Variants in SNTG1 observed in about 807,000 individuals in gnomAD.
SNTG1 encodes the protein gamma-1-syntrophin.
A neutral mutation model predicts 74.7 loss-of-function variants in SNTG1; 39 were observed. The ratio of observed to expected loss-of-function variants is 0.52; its 90% confidence interval spans 0.40 to 0.68. The LOEUF (loss-of-function observed/expected upper bound fraction) is 0.68, where lower values mean the gene tolerates loss of function less well. Ranked by LOEUF, SNTG1 falls within the 30% of genes least tolerant of loss-of-function variation. SNTG1 has a pLI of 0.00. For synonymous variants in SNTG1, 254 were observed against 217.1 expected, an observed-to-expected ratio of 1.17 and a Z score of -1.49; for missense variants, 685 against 609.5, an observed-to-expected ratio of 1.12 and a Z score of -1.30.
At chr8:50,442,044 G>A (rs569470495) in intron 5 of SNTG1, among the ~76,000 whole-genome samples, 135 of 152,284 alleles carry the variant, frequency 8.9e-4, no homozygotes, top group African/African-American at 3.1e-3. Flanking sequence ...CAGCTTTAGC[G>A]CATGCTGCAC....
intron 8 of SNTG1, among the ~76,000 whole-genome samples, chr8:50,471,136 C>T (rs979941110): frequency 6.6e-6 from 1 of 152,050 alleles, no homozygotes; most frequent in Non-Finnish European, 1.5e-5. Context: ...TCCCAACCCA[C>T]CCCAGAAGCC....
chr8:50,018,042 A>T (rs1816493613), intron 1 of SNTG1, among the ~76,000 whole-genome samples: 1 of 151,922 alleles, frequency 6.6e-6, no homozygotes, highest in South Asian at 2.1e-4. Flanking sequence ...TAGACAGAAA[A>T]TCCATGTCCA....
chr8:50,053,340 T>A (rs1819739530), intron 1 of SNTG1, among the ~76,000 whole-genome samples: 1 of 152,000 alleles, frequency 6.6e-6, no homozygotes, highest in African/African-American at 2.4e-5. Context: ...GTAAAAAAGA[T>A]CACATATTGT....
chr8:50,115,265 G>A (rs975345050), intron 1 of SNTG1, among the ~76,000 whole-genome samples: 2 of 151,874 alleles, frequency 1.3e-5, no homozygotes, highest in Non-Finnish European at 2.9e-5. Context: ...TACAGTGTGA[G>A]TGAGAGGGTT....
At chr8:50,324,528 G>A (rs779425387) in intron 2 of SNTG1, among the ~76,000 whole-genome samples, 1 of 152,176 alleles carries the variant, frequency 6.6e-6, no homozygotes, top group Admixed American at 6.5e-5. Context: ...CGGGGTAGGA[G>A]GGATGAACAG....
intron 1 of SNTG1, among the ~76,000 whole-genome samples, chr8:49,933,549 T>G (rs189058474): frequency 6.6e-6 from 1 of 152,346 alleles, no homozygotes. Context: ...ATTTATTTAG[T>G]TAGTTATTTT....
intron 1 of SNTG1, among the ~76,000 whole-genome samples, chr8:50,134,213 G>A (rs967438708): frequency 3.9e-5 from 6 of 152,132 alleles, no homozygotes; most frequent in African/African-American, 1.4e-4. Context: ...GAGAACATGT[G>A]AGGCAATTCC....
chr8:50,360,704 T>G (rs1015032782), intron 2 of SNTG1, among the ~76,000 whole-genome samples: 1 of 152,198 alleles, frequency 6.6e-6, no homozygotes, highest in Non-Finnish European at 1.5e-5. Context: ...CAGCACAGTA[T>G]TTATATCTCC....
intron 4 of SNTG1, among the ~76,000 whole-genome samples, chr8:50,427,424 C>G (rs2093177115): frequency 6.6e-6 from 1 of 151,980 alleles, no homozygotes; most frequent in Non-Finnish European, 1.5e-5. Context: ...TGTATATATA[C>G]ACTTTTTTTA....
chr8:50,044,813 G>A (rs779020298), intron 1 of SNTG1, among the ~76,000 whole-genome samples: 1 of 152,294 alleles, frequency 6.6e-6, no homozygotes, highest in Admixed American at 6.5e-5. Context: ...ACAGAAAAAT[G>A]TATTGATTCT....
intron 1 of SNTG1, among the ~76,000 whole-genome samples, chr8:50,033,079 A>T: frequency 6.6e-6 from 1 of 151,196 alleles, no homozygotes; most frequent in African/African-American, 2.4e-5. Flanking sequence ...TGCTTTGAAA[A>T]CTGCCTTGCA....
rs75056619 is a variant in SNTG1, at chr8:50,621,256, G to A, written c.849+30339G>A. ...CTGTGACTCAGACCATGCCTCCAGG[G>A]AGATAGTTCACACTTTCATAGGCAA... On this transcript the variant is annotated intron_variant, in intron 13 of 18. Transcript: ENST00000642720. 5.5e-4 allele frequency among the ~76,000 whole-genome samples: 83 copies of A among 152,202 alleles called. 1 individual carries two copies. In the East Asian group the frequency reaches 0.015, roughly 27 times the overall value.
intron 15 of SNTG1, among the ~76,000 whole-genome samples, chr8:50,673,499 A>G (rs1238120905): frequency 6.6e-6 from 1 of 152,094 alleles, no homozygotes; most frequent in African/African-American, 2.4e-5. Context: ...GTGTAAAGGA[A>G]TGCCTGTGAT....
intron 12 of SNTG1, among the ~76,000 whole-genome samples, chr8:50,568,137 T>C (rs1056610650): frequency 4.6e-5 from 7 of 152,100 alleles, no homozygotes; most frequent in Admixed American, 1.3e-4. Context: ...TTATTTCACT[T>C]AATACATTGT....
chr8:50,211,708 A>G (rs1299077350), intron 2 of SNTG1, among the ~76,000 whole-genome samples: 1 of 152,146 alleles, frequency 6.6e-6, no homozygotes, highest in Non-Finnish European at 1.5e-5. Context: ...GAGATATCAA[A>G]CATTTTTAAA....
In SNTG1 at chr8:50,487,576, C is replaced by T. The variant is rs143701678; in HGVS notation, c.364-15202C>T. 8.9e-3 allele frequency among the ~76,000 whole-genome samples: 1,347 copies of T among 151,936 alleles called. 21 individuals are homozygous for T. Among genetic ancestry groups the T allele is most frequent in the African/African-American group, 0.031 (1,268 of 41,410 alleles). ...ATTGGAAATCATCATTCTCAGTAAA[C>T]TATCGCAAGATCAAAAAACCAAACA... On this transcript the variant is annotated intron_variant, in intron 8 of 18. Coordinates refer to ENST00000642720, the MANE Select transcript of SNTG1 (RefSeq NM_018967.5).
intron 15 of SNTG1, among the ~76,000 whole-genome samples, chr8:50,698,588 G>T (rs1158098639): frequency 6.6e-6 from 1 of 152,130 alleles, no homozygotes. Flanking sequence ...TTCCCTGCTT[G>T]AGCACCAGAT....
intron 2 of SNTG1, among the ~76,000 whole-genome samples, chr8:50,277,893 G>A (rs1447359451): frequency 1.3e-5 from 2 of 152,156 alleles, no homozygotes; most frequent in African/African-American, 4.8e-5. Flanking sequence ...CATTAACTAG[G>A]AAGAGCACGC....
intron 2 of SNTG1, among the ~76,000 whole-genome samples, chr8:50,338,216 A>G (rs2091213248): frequency 6.6e-6 from 1 of 152,146 alleles, no homozygotes; most frequent in Admixed American, 6.5e-5. Flanking sequence ...AAAAAGGGAG[A>G]CAAAAACAAG....
Sources: allele counts gnomAD v4.1 joint callset (sites outside exome capture counted in the v4.1 genomes callset), GRCh38; gene constraint gnomAD v4.1.1; transcripts MANE v1.5; gene names NCBI Gene and HGNC (gene_info 2026-07-23, HGNC 2026-07-21).